Variants in TCF4 observed in about 807,000 individuals in gnomAD.
TCF4 encodes SL3-3 enhancer factor 2.
TCF4 carries 3 observed loss-of-function variants against 82.1 expected under a neutral mutation model. That is an observed-to-expected ratio of 0.04 (90% CI 0.02 to 0.09). TCF4 has a LOEUF of 0.09. Ranked by LOEUF, TCF4 falls within the 10% of genes least tolerant of loss-of-function variation. TCF4 has a pLI of 1.00. For missense variants in TCF4, 518 were observed against 852.7 expected (o/e 0.61, Z 4.89); for synonymous variants, 276 against 309.6 (o/e 0.89, Z 1.14).
chr18:55,625,146 A>C (rs1175326832), intron 2 of TCF4, among the ~76,000 whole-genome samples: 1 of 152,212 alleles, frequency 6.6e-6, no homozygotes, highest in African/African-American at 2.4e-5. Context: ...TGGAGTATCA[A>C]TTATTAAAAA....
intron 3 of TCF4, 116 bp from the exon 4 acceptor site, chr18:55,464,253 G>T: frequency 1.1e-6 from 1 of 902,894 alleles, no homozygotes; most frequent in Non-Finnish European, 1.8e-6. Context: ...TAAGAACCAG[G>T]CACCGGGCTA....
intron 3 of TCF4, chr18:55,482,000 A>G (rs1267546341): frequency 6.6e-6 from 1 of 152,208 alleles, no homozygotes; most frequent in Non-Finnish European, 1.5e-5. Flanking sequence ...TATTTATTTA[A>G]TAATGACTGT....
chr18:55,547,803 G>GA (rs2097219590), intron 3 of TCF4, among the ~76,000 whole-genome samples: 1 of 152,120 alleles, frequency 6.6e-6, no homozygotes, highest in African/African-American at 2.4e-5. Context: ...GGCCTCTTTA[G>GA]AAAACAAACT....
In TCF4 at chr18:55,222,218, A is replaced by G. The variant is rs1568239066; in HGVS notation, c.*5817T>C. 6.6e-6 allele frequency: 1 copy of G among 152,212 alleles called. No homozygotes were observed. The highest frequency in any genetic ancestry group is 1.5e-5 in the Non-Finnish European group (1 of 68,036). 9.4% of individuals were successfully genotyped at this position (152,212 alleles called of 1,614,324 possible). ...ATGTACCTTTTAATGTGGTCCTCTA[A>G]AAGAGAACAATGTTAATAGACACTA... is the stretch of plus-strand genomic sequence containing the variant. On this transcript the variant is annotated 3_prime_UTR_variant, in exon 20 of 20. Coordinates refer to ENST00000354452, the MANE Select transcript of TCF4 (RefSeq NM_001083962.2).
In TCF4 at chr18:55,374,871, T is replaced by TAAA. The variant is rs5825137; in HGVS notation, c.370-23871_370-23869dup. On this transcript the variant is annotated intron_variant, in intron 6 of 19. Transcript: ENST00000354452. Reference sequence around the variant, plus strand: ...TTTGAGGATAGAGTGAGGCCCTGTCTAAAAAAAAAAAAAAAAAAAAAAAAG... The same window carrying TAAA: ...TTTGAGGATAGAGTGAGGCCCTGTCTAAAAAAAAAAAAAAAAAAAAAAAAAAAG... 7.0e-4 allele frequency among the ~76,000 whole-genome samples: 47 copies of TAAA among 67,126 alleles called. 1 individual carries two copies. Among genetic ancestry groups the TAAA allele is most frequent in the East Asian group, 1.9e-3 (4 of 2,056 alleles). The allele number at this position is 67,126 out of a possible 152,430, so 44.0% of individuals were successfully genotyped here.
intron 3 of TCF4, among the ~76,000 whole-genome samples, chr18:55,506,737 A>G (rs1021641061): frequency 3.3e-5 from 5 of 152,212 alleles, no homozygotes; most frequent in Non-Finnish European, 7.3e-5. Context: ...GATTTTTCCT[A>G]TGCATATATA....
chr18:55,543,406 C>A (rs916482164), intron 3 of TCF4, among the ~76,000 whole-genome samples: 4 of 152,036 alleles, frequency 2.6e-5, no homozygotes, highest in Non-Finnish European at 5.9e-5. Flanking sequence ...TTCTCCTTAT[C>A]TTCCCTAACA....
chr18:55,599,553 T>C (rs532206704), intron 2 of TCF4, among the ~76,000 whole-genome samples: 1 of 152,142 alleles, frequency 6.6e-6, no homozygotes. Flanking sequence ...AAACCCCGTC[T>C]CTACTAAAAA....
At chr18:55,506,369 C>G (rs771633750) in intron 3 of TCF4, among the ~76,000 whole-genome samples, 2 of 152,170 alleles carry the variant, frequency 1.3e-5, no homozygotes, top group Non-Finnish European at 2.9e-5. Flanking sequence ...CTGCTACTTC[C>G]CAGTTCCCAA....
intron 3 of TCF4, among the ~76,000 whole-genome samples, chr18:55,549,622 T>C (rs2097241188): frequency 6.6e-6 from 1 of 152,178 alleles, no homozygotes; most frequent in African/African-American, 2.4e-5. Flanking sequence ...AACAACAGCA[T>C]GGCGCTGTCA....
intron 3 of TCF4, among the ~76,000 whole-genome samples, chr18:55,542,054 G>GAGTA (rs2097169042): frequency 6.6e-6 from 1 of 151,964 alleles, no homozygotes; most frequent in African/African-American, 2.4e-5. Context: ...CACAAGCAAA[G>GAGTA]AGTAAGTCCA....
At chr18:55,490,168 A>G (rs1046110325) in intron 3 of TCF4, among the ~76,000 whole-genome samples, 17 of 152,226 alleles carry the variant, frequency 1.1e-4, no homozygotes, top group Non-Finnish European at 2.1e-4. Context: ...AATTAAAATA[A>G]GAGTTGTGTG....
At chr18:55,324,689 C>T (rs2076260808) in intron 8 of TCF4, among the ~76,000 whole-genome samples, 1 of 152,004 alleles carries the variant, frequency 6.6e-6, no homozygotes, top group Non-Finnish European at 1.5e-5. Flanking sequence ...ACCCCCACCC[C>T]CCATGCCCAG....
In TCF4 at chr18:55,576,585, G is replaced by A. The variant is rs530975257; in HGVS notation, c.145+8695C>T. 3.6e-4 allele frequency among the ~76,000 whole-genome samples: 55 copies of A among 152,226 alleles called. No homozygotes were observed. In the South Asian group the frequency reaches 0.011, roughly 32 times the overall value. On this transcript the variant is annotated intron_variant, in intron 3 of 19. Coordinates refer to ENST00000354452, the MANE Select transcript of TCF4 (RefSeq NM_001083962.2). ...TTCTTTCATCTGTGCTTGGTTCACA[G>A]TGATCCTGATATGCACGCTCAGTCT...
At chr18:55,524,214 T>C (rs1281408995) in intron 3 of TCF4, among the ~76,000 whole-genome samples, 1 of 152,116 alleles carries the variant, frequency 6.6e-6, no homozygotes, top group East Asian at 1.9e-4. Context: ...CTAGATCACG[T>C]CCTGTTGGTC....
intron 3 of TCF4, among the ~76,000 whole-genome samples, chr18:55,526,453 A>T (rs1231815809): frequency 1.3e-5 from 2 of 152,164 alleles, no homozygotes; most frequent in Non-Finnish European, 2.9e-5. Flanking sequence ...CGAGTCTAAG[A>T]TATTCTAAGA....
At chr18:55,340,396 C>T (rs940157902) in intron 8 of TCF4, among the ~76,000 whole-genome samples, 3 of 151,722 alleles carry the variant, frequency 2.0e-5, no homozygotes, top group Admixed American at 2.0e-4. Context: ...CTGGGAAACA[C>T]AGGGAGACCC....
chr18:55,625,264 G>A (rs540243159), intron 2 of TCF4, among the ~76,000 whole-genome samples: 2 of 149,616 alleles, frequency 1.3e-5, no homozygotes, highest in East Asian at 3.9e-4. Flanking sequence ...TTTGAGATGG[G>A]AACTTGCTTT....
At chr18:55,625,021 T>G (rs2097725127) in intron 2 of TCF4, among the ~76,000 whole-genome samples, 2 of 152,144 alleles carry the variant, frequency 1.3e-5, no homozygotes, top group Admixed American at 1.3e-4. Context: ...TTTCTAGAAA[T>G]TATGACCATA....
Sources: gnomAD v4.1 joint callset for allele counts (sites outside exome capture counted in the v4.1 genomes callset) on GRCh38, gnomAD v4.1.1 for gene constraint, MANE v1.5 for transcripts, NCBI Gene and HGNC (gene_info 2026-07-23, HGNC 2026-07-21) for gene names.